Variants in TRABD2A observed in about 807,000 individuals in gnomAD.
TRABD2A encodes TraB domain containing 2A, also known as metalloprotease TIKI1.
A neutral mutation model predicts 45.6 loss-of-function variants in TRABD2A; 43 were observed. The observed-to-expected ratio is 0.94, with a 90% confidence interval of 0.74 to 1.22. TRABD2A has a LOEUF of 1.22. Among genes scored for constraint, TRABD2A ranks in the 50% most tolerant of loss-of-function variants. The probability of loss-of-function intolerance (pLI) is 0.00; values close to 1 mark genes in which losing one functional copy is unlikely to be tolerated. For missense variants in TRABD2A, 642 were observed against 652.4 expected, an observed-to-expected ratio of 0.98 and a Z score of 0.17; for synonymous variants, 269 against 265.0, an observed-to-expected ratio of 1.02 and a Z score of -0.15.
rs1176683966 is a variant in TRABD2A, at chr2:84,830,586, C to A, written c.1082+1469G>T. ...GGAAATGGAGAAGGACAAATCCCAG[C>A]GAGTCTTTAGTGGAGGAAGCCAAAA... On this transcript the variant is annotated intron_variant, in intron 5 of 6. Coordinates refer to ENST00000409520, the MANE Select transcript of TRABD2A (RefSeq NM_001277053.2). This position sits in a 1 kb window ranked among gnomAD's most constrained non-coding sequence, Gnocchi z 4.9. Among the ~76,000 whole-genome samples the A allele has an allele frequency of 7.2e-5, 11 of 152,098 alleles. No individual in the cohort carries two copies. The highest frequency in any genetic ancestry group is 7.2e-4 in the Admixed American group (11 of 15,276).
At chr2:84,837,893 C>A in intron 4 of TRABD2A, 1 of 247,604 alleles carries the variant, frequency 4.0e-6, no homozygotes, top group Admixed American at 5.3e-5. Context: ...TTTTCTATAC[C>A]CCCTATGGGA....
rs957212882 is a variant in TRABD2A at position 84,841,931 on chromosome 2, G to A, written c.746C>T (p.Thr249Met). 14 of 1,548,724 alleles carry A rather than the reference G, an allele frequency of 9.0e-6. No individual in the cohort carries two copies. The highest frequency in any genetic ancestry group is 1.4e-5 in the African/African-American group (1 of 72,980). ...RAGSLQIPYT[T>M]EDLIKHYNCG... ...GTTATAGTGTTTGATGAGATCCTCCGTCGTGTAGGGGATCTGAAGACTGCC... is the reference window on the plus strand; with the variant it reads ...GTTATAGTGTTTGATGAGATCCTCCATCGTGTAGGGGATCTGAAGACTGCC... Residue 249 changes from threonine to methionine, a missense_variant, in exon 3 of 7, where the codon ACG becomes ATG. Coordinates refer to ENST00000409520, the MANE Select transcript of TRABD2A (RefSeq NM_001277053.2).
chr2:84,831,977 T>C, intron 5 of TRABD2A, 78 bp downstream of exon 5: 4 of 1,471,378 alleles, frequency 2.7e-6, no homozygotes, highest in Admixed American at 1.7e-5. Context: ...CTCCTCAAGA[T>C]AGCAGCCCAC....
chr2:84,866,135 G>A (rs1386243301), intron 2 of TRABD2A, among the ~76,000 whole-genome samples: 1 of 152,152 alleles, frequency 6.6e-6, no homozygotes, highest in Non-Finnish European at 1.5e-5. Context: ...AGGCCTACAG[G>A]GGCCAGGCAG....
intron 3 of TRABD2A, among the ~76,000 whole-genome samples, chr2:84,840,885 T>C (rs1418597643): frequency 2.0e-5 from 3 of 152,240 alleles, no homozygotes; most frequent in African/African-American, 7.2e-5. Context: ...CTGTCATTAA[T>C]GAAATGTCAC....
chr2:84,870,077 G>T, intron 2 of TRABD2A, 148 bp downstream of exon 2: 1 of 818,926 alleles, frequency 1.2e-6, no homozygotes, highest in Non-Finnish European at 1.9e-6. Flanking sequence ...TGACCACTTG[G>T]CTTTTTTTTT....
chr2:84,872,064 C>T (rs1682885921), intron 1 of TRABD2A, among the ~76,000 whole-genome samples: 1 of 152,164 alleles, frequency 6.6e-6, no homozygotes, highest in Admixed American at 6.5e-5. Context: ...TCATCCTCAA[C>T]AACTGGCATT....
At chr2:84,860,068 A>G (rs55906098) in intron 2 of TRABD2A, among the ~76,000 whole-genome samples, 25,853 of 151,562 alleles carry the variant, frequency 0.17, 2,580 homozygotes, top group African/African-American at 0.28. Context: ...ACAGCTGGAC[A>G]CTCTCCTCCC....
intron 1 of TRABD2A, among the ~76,000 whole-genome samples, chr2:84,879,330 G>A (rs942831595): frequency 6.6e-6 from 1 of 151,994 alleles, no homozygotes; most frequent in Non-Finnish European, 1.5e-5. Context: ...GCAGGCACAT[G>A]TCCCCACGCT....
At chr2:84,829,804 A>G (rs1053088782) in intron 5 of TRABD2A, among the ~76,000 whole-genome samples, 1 of 149,324 alleles carries the variant, frequency 6.7e-6, no homozygotes, top group African/African-American at 2.5e-5. Context: ...TACCACACAC[A>G]CCCCTCACAC....
Position 84,825,775 on chromosome 2 carries a change from C to A in TRABD2A, c.1083-1571G>T, listed in dbSNP as rs114081806. ...CAGGATGTGAGTGGCAGGCAAGCAA[C>A]CATATTACCACCTGAGCTCCACATC... On this transcript the variant is annotated intron_variant, in intron 5 of 6. Coordinates refer to ENST00000409520, the MANE Select transcript of TRABD2A (RefSeq NM_001277053.2). Among the ~76,000 whole-genome samples the A allele has an allele frequency of 6.0e-3, 910 of 152,170 alleles. 11 individuals are homozygous for A. Among genetic ancestry groups the A allele is most frequent in the African/African-American group, 0.021 (864 of 41,502 alleles).
chr2:84,828,602 G>T (rs1378249525), intron 5 of TRABD2A, among the ~76,000 whole-genome samples: 7 of 152,122 alleles, frequency 4.6e-5, no homozygotes. Flanking sequence ...GGCTTCACCT[G>T]GGACCACTGT....
chr2:84,873,935 A>AT (rs1435370969), intron 1 of TRABD2A, among the ~76,000 whole-genome samples: 2 of 152,208 alleles, frequency 1.3e-5, no homozygotes, highest in Non-Finnish European at 2.9e-5. Context: ...AAATGTTATT[A>AT]TTAAACCCAT....
At chr2:84,867,693 A>T (rs528232274) in intron 2 of TRABD2A, among the ~76,000 whole-genome samples, 13 of 152,378 alleles carry the variant, frequency 8.5e-5, no homozygotes, top group African/African-American at 2.6e-4. Context: ...TTATCTGACA[A>T]AGGGCTAATA....
chr2:84,833,072 C>T (rs190854143), intron 4 of TRABD2A: 1 of 152,242 alleles, frequency 6.6e-6, no homozygotes, highest in African/African-American at 2.4e-5. Context: ...AGCAGAAGGC[C>T]CATGGTTCCT....
At chr2:84,841,791 G>A in intron 3 of TRABD2A, 70 bp downstream of exon 3, 2 of 1,419,588 alleles carry the variant, frequency 1.4e-6, no homozygotes, top group Non-Finnish European at 1.9e-6. Context: ...GGATGTACAT[G>A]TTGCCAGGTA....
intron 2 of TRABD2A, chr2:84,849,625 G>C (rs937987817): frequency 2.0e-5 from 3 of 152,148 alleles, no homozygotes; most frequent in African/African-American, 7.2e-5. Context: ...CCACCCCCAG[G>C]TGACTGCAAT....
At chr2:84,861,754 G>T (rs1042575813) in intron 2 of TRABD2A, among the ~76,000 whole-genome samples, 2 of 152,186 alleles carry the variant, frequency 1.3e-5, no homozygotes, top group Admixed American at 1.3e-4. Context: ...CAACCTACCT[G>T]CCTGTATTCT....
At chr2:84,865,433 G>C (rs1682644757) in intron 2 of TRABD2A, among the ~76,000 whole-genome samples, 1 of 152,216 alleles carries the variant, frequency 6.6e-6, no homozygotes, top group Non-Finnish European at 1.5e-5. Context: ...TCAACTCTGG[G>C]GTTTGCAAAA....
Sources: gnomAD v4.1 joint callset for allele counts (sites outside exome capture counted in the v4.1 genomes callset) on GRCh38, gnomAD v4.1.1 for gene constraint, Gnocchi (gnomAD v3.1) non-coding constraint, MANE v1.5 for transcripts, NCBI Gene and HGNC (gene_info 2026-07-23, HGNC 2026-07-21) for gene names.